The following SAAL1 variants were observed in gnomAD, a reference collection of about 807,000 sequenced individuals.
SAAL1 encodes protein SAAL1.
SAAL1 carries 42 observed loss-of-function variants against 59.8 expected under a neutral mutation model. That is an observed-to-expected ratio of 0.70 (90% CI 0.55 to 0.91). The LOEUF (loss-of-function observed/expected upper bound fraction) is 0.91, where lower values mean the gene tolerates loss of function less well. Among genes scored for constraint, SAAL1 ranks in the 40% least tolerant of loss-of-function variants. The pLI, the probability that SAAL1 is intolerant of heterozygous loss-of-function variation, is 0.00. For synonymous variants in SAAL1, 191 were observed against 194.3 expected, an observed-to-expected ratio of 0.98 and a Z score of 0.14; for missense variants, 542 against 561.1, an observed-to-expected ratio of 0.97 and a Z score of 0.34.
Position 18,087,005 on chromosome 11 carries a change from C to T in SAAL1, c.903G>A (p.Leu301=), listed in dbSNP as rs1848471451. 1 of 1,613,786 alleles carries T rather than the reference C, an allele frequency of 6.2e-7. No homozygotes were observed. Among genetic ancestry groups the T allele is most frequent in the African/African-American group, 1.3e-5 (1 of 74,874 alleles). Residue 301 remains leucine (L), a synonymous_variant, in exon 9 of 12, where the codon CTG becomes CTA. Transcript: ENST00000524803. ...CAGACTGGCAGAATTCATGGCAGACCAGGTCAAAAAGTAAATTCCAAATGT... is the reference window on the plus strand; with the variant it reads ...CAGACTGGCAGAATTCATGGCAGACTAGGTCAAAAAGTAAATTCCAAATGT... ...GKDIWNLLFD[L]VCHEFCQSDD... is the part of the protein sequence containing the mutation.
intron 1 of SAAL1, among the ~76,000 whole-genome samples, chr11:18,104,128 C>A (rs1300920472): frequency 6.6e-6 from 1 of 152,138 alleles, no homozygotes; most frequent in East Asian, 1.9e-4. Flanking sequence ...CAGAAATATG[C>A]CACAGGGACT....
Position 18,100,452 on chromosome 11 carries a change from G to C in SAAL1, c.249+2781C>G, listed in dbSNP as rs149637577. 7.2e-4 allele frequency among the ~76,000 whole-genome samples: 110 copies of C among 152,314 alleles called. 1 individual carries two copies. The highest frequency in any genetic ancestry group is 8.8e-5 in the Non-Finnish European group (6 of 68,034). On this transcript the variant is annotated intron_variant, in intron 2 of 11. Transcript: ENST00000524803. ...ATTAGAAAGTATTCTGAACTTCTGC[G>C]GGCATGGTGGCTCACGCCTGTAATC...
At chr11:18,102,270 C>T (rs912858071) in intron 2 of SAAL1, among the ~76,000 whole-genome samples, 2 of 151,962 alleles carry the variant, frequency 1.3e-5, no homozygotes, top group African/African-American at 2.4e-5. Context: ...GGATTGGTGG[C>T]TCACACCTGT....
intron 2 of SAAL1, 117 bp from the exon 3 acceptor site, chr11:18,096,971 G>A: frequency 3.1e-6 from 2 of 644,646 alleles, no homozygotes; most frequent in Non-Finnish European, 2.7e-6. Flanking sequence ...CGCAGTGGCT[G>A]ACACCTGTAA....
At position 18,104,516 on chromosome 11, in the gene SAAL1, T is replaced by C. The variant is rs568945082; in HGVS notation, c.136-1170A>G. Among the ~76,000 whole-genome samples the C allele has an allele frequency of 3.5e-4, 53 of 151,736 alleles. No individual in the cohort carries two copies. In the South Asian group the frequency reaches 5.2e-3, roughly 15 times the overall value. Reference sequence around the variant, plus strand: ...GATAGTCATATTAGAAAAGGCAAAGTGATTCAACTGAATTGTGGACAAAGA... The same window carrying C: ...GATAGTCATATTAGAAAAGGCAAAGCGATTCAACTGAATTGTGGACAAAGA... On this transcript the variant is annotated intron_variant, in intron 1 of 11. Transcript: ENST00000524803.
At chr11:18,087,913 G>A (rs1848483046) in intron 7 of SAAL1, among the ~76,000 whole-genome samples, 1 of 152,206 alleles carries the variant, frequency 6.6e-6, no homozygotes, top group Non-Finnish European at 1.5e-5. Context: ...TAAAAGGAAA[G>A]AAGATTCCAA....
chr11:18,088,128 A>G (rs1365327649), intron 7 of SAAL1, among the ~76,000 whole-genome samples: 1 of 152,248 alleles, frequency 6.6e-6, no homozygotes, highest in Non-Finnish European at 1.5e-5. Flanking sequence ...GTTCAGTTGA[A>G]GAAGTGACGC....
At chr11:18,081,382 G>A in intron 11 of SAAL1, 29 bp downstream of exon 11, 1 of 1,485,434 alleles carries the variant, frequency 6.7e-7, no homozygotes, top group African/African-American at 1.4e-5. Context: ...ACAAAACTTG[G>A]CCACCTATAT....
intron 11 of SAAL1, 63 bp from the exon 12 acceptor site, chr11:18,080,554 G>C: frequency 9.3e-7 from 1 of 1,076,446 alleles, no homozygotes; most frequent in Non-Finnish European, 1.4e-6. Flanking sequence ...TTAAGGTACT[G>C]ATTGCTCTAC....
chr11:18,080,331 G>A lies in SAAL1; in HGVS notation c.*68C>T. The A allele has an allele frequency of 1.0e-6, 1 of 990,590 alleles. No individual in the cohort carries two copies. The highest frequency in any genetic ancestry group is 1.5e-6 in the Non-Finnish European group (1 of 651,938). 61.4% of individuals were successfully genotyped at this position (990,590 alleles called of 1,614,324 possible). On this transcript the variant is annotated 3_prime_UTR_variant, in exon 12 of 12. Transcript: ENST00000524803. ...GGGCTTTAGTTAATATTTCCAATAAGTCAATTTCAACTGTCAGTGAGAAAA... is the reference window on the plus strand; with the variant it reads ...GGGCTTTAGTTAATATTTCCAATAAATCAATTTCAACTGTCAGTGAGAAAA...
chr11:18,091,556 C>G (rs1848523835), intron 4 of SAAL1, among the ~76,000 whole-genome samples: 1 of 152,172 alleles, frequency 6.6e-6, no homozygotes, highest in Non-Finnish European at 1.5e-5. Context: ...CCAGCTCTGA[C>G]AAAAACTGCC....
intron 1 of SAAL1, 66 bp from the exon 2 acceptor site, chr11:18,103,412 T>G: frequency 9.0e-7 from 1 of 1,112,492 alleles, no homozygotes; most frequent in Non-Finnish European, 1.4e-6. Context: ...GGTACCCAAA[T>G]ACAGCAGGTG....
chr11:18,080,350 G>A lies in SAAL1; in HGVS notation c.*49C>T, dbSNP rs1167322216. The stretch of plus-strand genomic sequence containing the variant: ...CAATAAGTCAATTTCAACTGTCAGT[G>A]AGAAAAATAAAGTTTATTTCTTGTA... On this transcript the variant is annotated 3_prime_UTR_variant, in exon 12 of 12. Coordinates refer to ENST00000524803, the MANE Select transcript of SAAL1 (RefSeq NM_138421.3). 14 of 1,177,442 alleles carry A rather than the reference G, an allele frequency of 1.2e-5. No individual in the cohort carries two copies. The Admixed American group carries it at 2.5e-4, about 21-fold the overall frequency. The allele number at this position is 1,177,442 out of a possible 1,614,324, so 72.9% of individuals were successfully genotyped here.
chr11:18,087,322 C>T (rs934392238), intron 7 of SAAL1, 97 bp from the exon 8 acceptor site: 3 of 776,348 alleles, frequency 3.9e-6, no homozygotes, highest in Non-Finnish European at 4.3e-6. Context: ...CTCTGCCAGC[C>T]ACTGTTCAAG....
Position 18,083,634 on chromosome 11 carries a change from T to G in SAAL1, c.1140A>C (p.Glu380Asp), listed in dbSNP as rs1172099601. 6.2e-7 allele frequency: 1 copy of G among 1,609,772 alleles called. No homozygotes were observed. The highest frequency in any genetic ancestry group is 1.1e-5 in the South Asian group (1 of 90,888). Residue 380 changes from glutamate (E) to aspartate (D), a missense_variant, in exon 10 of 12, where the codon GAA (glutamate) becomes GAC (aspartate). Transcript: ENST00000524803. The stretch of plus-strand genomic sequence containing the variant: ...CTTGGGTTAAATCAGTCCTTTTAGT[T>G]TCCTCTGTGTTAGACTCTGCCGAGT... ...PENSAESNTE[E>D]TKRTDLTQDD...
chr11:18,090,266 C>A lies in SAAL1; in HGVS notation c.498G>T (p.Gln166His), dbSNP rs1240507318. Residue 166 changes from glutamine (Q) to histidine (H), a missense_variant, in exon 6 of 12, where the codon CAG becomes CAT. By Grantham distance (24) the Gln-to-His change is conservative. Coordinates refer to ENST00000524803, the MANE Select transcript of SAAL1 (RefSeq NM_138421.3). ...CAACCCAAACACTGGCCACTTCTGC[C>A]TGGGAAAGGCAAGTAAGCAACAACC... The part of the protein sequence containing the change: ...TSRLLLTCLS[Q>H]AEVASVWVER... 2 of 1,603,220 alleles carry A rather than the reference C, an allele frequency of 1.2e-6. No individual in the cohort carries two copies. Among genetic ancestry groups the A allele is most frequent in the African/African-American group, 2.7e-5 (2 of 72,804 alleles).
intron 2 of SAAL1, among the ~76,000 whole-genome samples, chr11:18,099,965 A>G (rs1196934052): frequency 6.6e-6 from 1 of 152,214 alleles, no homozygotes; most frequent in Non-Finnish European, 1.5e-5. Flanking sequence ...GTGGTGCCTC[A>G]AGGGCACCTC....
At chr11:18,092,528 A>G (rs1195795501) in intron 3 of SAAL1, among the ~76,000 whole-genome samples, 1 of 152,206 alleles carries the variant, frequency 6.6e-6, no homozygotes, top group Non-Finnish European at 1.5e-5. Flanking sequence ...AAGAACAAGA[A>G]AGGGCAAAGG....
intron 9 of SAAL1, among the ~76,000 whole-genome samples, chr11:18,085,541 C>T (rs1268539097): frequency 1.3e-5 from 2 of 152,102 alleles, no homozygotes; most frequent in African/African-American, 4.8e-5. Flanking sequence ...CATAACATAT[C>T]CTATCAAGTT....
Sources: allele counts gnomAD v4.1 joint callset (sites outside exome capture counted in the v4.1 genomes callset), GRCh38; gene constraint gnomAD v4.1.1; transcripts MANE v1.5; gene names NCBI Gene and HGNC (gene_info 2026-07-23, HGNC 2026-07-21).